The following FGD6 variants were observed in gnomAD, a reference collection of about 807,000 sequenced individuals.
FGD6 encodes the protein FYVE, RhoGEF and PH domain-containing protein 6.
A neutral mutation model predicts 149.4 loss-of-function variants in FGD6; 90 were observed. The ratio of observed to expected loss-of-function variants is 0.60; its 90% confidence interval spans 0.51 to 0.72. The LOEUF (loss-of-function observed/expected upper bound fraction) is 0.72. Ranked by LOEUF, FGD6 falls within the 30% of genes least tolerant of loss-of-function variation. The probability of loss-of-function intolerance (pLI) is 0.00; values close to 1 mark genes in which losing one functional copy is unlikely to be tolerated. For synonymous variants in FGD6, 527 were observed against 584.0 expected (o/e 0.90, Z 1.41); for missense variants, 1,437 against 1,684.8 (o/e 0.85, Z 2.57).
chr12:95,122,820 G>A (rs781134056), intron 8 of FGD6, among the ~76,000 whole-genome samples: 1 of 151,366 alleles, frequency 6.6e-6, no homozygotes, highest in Non-Finnish European at 1.5e-5. Flanking sequence ...AGTGGCTCAT[G>A]CCTGTAATCC....
intron 14 of FGD6, among the ~76,000 whole-genome samples, chr12:95,098,057 A>G (rs757512576): frequency 1.1e-4 from 16 of 152,056 alleles, no homozygotes; most frequent in Non-Finnish European, 1.8e-4. Context: ...GCCCAAATAT[A>G]TGTCTCTGGC....
chr12:95,163,169 C>T lies in FGD6; in HGVS notation c.2586+9431G>A, dbSNP rs60664855. Among the ~76,000 whole-genome samples, 1,465 of 152,230 alleles carry T rather than the reference C, an allele frequency of 9.6e-3. 23 individuals are homozygous for T. The highest frequency in any genetic ancestry group is 0.033 in the African/African-American group (1,388 of 41,550). ...CTCACCTTCACCAGGCTTCTCCCTC[C>T]TCCTCCACACTGTGTACTCTCTAAC... On this transcript the variant is annotated intron_variant, in intron 3 of 20. Coordinates refer to ENST00000343958, the MANE Select transcript of FGD6 (RefSeq NM_018351.4).
In FGD6 at chr12:95,209,047, G is replaced by C; in HGVS notation, c.2237C>G (p.Pro746Arg). ...PYKSVTSLCA[P>R]EYENIRHYEE... ...ATAATGGCGTATATTTTCATACTCCGGTGCACAGAGGCTTGTAACAGACTT... is the reference window on the plus strand; with the variant it reads ...ATAATGGCGTATATTTTCATACTCCCGTGCACAGAGGCTTGTAACAGACTT... The change falls in exon 2 of 21, where the codon CCG (proline) becomes CGG (arginine). Residue 746 changes from proline (P) to arginine (R), a missense_variant. Coordinates refer to ENST00000343958, the MANE Select transcript of FGD6 (RefSeq NM_018351.4). 2 of 1,613,976 alleles carry C rather than the reference G, an allele frequency of 1.2e-6. No homozygotes were observed. Among genetic ancestry groups the C allele is most frequent in the Non-Finnish European group, 1.7e-6 (2 of 1,180,018 alleles).
At chr12:95,203,333 A>C (rs988857549) in intron 2 of FGD6, among the ~76,000 whole-genome samples, 6 of 152,310 alleles carry the variant, frequency 3.9e-5, no homozygotes, top group Admixed American at 3.3e-4. Context: ...GCAAAGTTTC[A>C]AGGGACAACA....
intron 8 of FGD6, among the ~76,000 whole-genome samples, chr12:95,133,658 C>T (rs1313438489): frequency 6.6e-6 from 1 of 152,128 alleles, no homozygotes; most frequent in African/African-American, 2.4e-5. Context: ...CACATTTTGA[C>T]GTTCTTGTCC....
chr12:95,159,152 T>C (rs1880565723), intron 3 of FGD6, among the ~76,000 whole-genome samples: 1 of 152,320 alleles, frequency 6.6e-6, no homozygotes, highest in African/African-American at 2.4e-5. Flanking sequence ...TACCCTTTGT[T>C]TCCTCTCCTC....
chr12:95,117,218 C>A (rs954844329), intron 8 of FGD6, among the ~76,000 whole-genome samples: 3 of 152,034 alleles, frequency 2.0e-5, no homozygotes, highest in African/African-American at 7.3e-5. Flanking sequence ...TCAAATGCCA[C>A]TGAGGTTATT....
intron 9 of FGD6, among the ~76,000 whole-genome samples, chr12:95,109,487 A>T (rs192375241): frequency 3.2e-4 from 49 of 152,262 alleles, no homozygotes; most frequent in Admixed American, 1.0e-3. Flanking sequence ...CACTGAGAAA[A>T]ACTGGTAGAG....
intron 2 of FGD6, among the ~76,000 whole-genome samples, chr12:95,206,412 T>G (rs887855112): frequency 1.4e-4 from 21 of 152,158 alleles, no homozygotes; most frequent in African/African-American, 4.8e-4. Context: ...GAACCGGTAG[T>G]GGTGGCTCAT....
At chr12:95,134,872 C>A in intron 7 of FGD6, 46 bp from the exon 8 acceptor site, 1 of 1,510,530 alleles carries the variant, frequency 6.6e-7, no homozygotes, top group Non-Finnish European at 9.0e-7. Context: ...TTCTAAGAAG[C>A]AAGGGACCCA....
chr12:95,130,725 A>T (rs536069664), intron 8 of FGD6, among the ~76,000 whole-genome samples: 11 of 149,302 alleles, frequency 7.4e-5, no homozygotes, highest in South Asian at 4.2e-4. Context: ...CATAAAATTT[A>T]AAAAAAAAAA....
intron 3 of FGD6, among the ~76,000 whole-genome samples, chr12:95,153,950 T>TGTGTGTGTGTGTGTGA (rs796248785): frequency 1.4e-5 from 2 of 141,210 alleles, no homozygotes; most frequent in Non-Finnish European, 3.1e-5. Context: ...TGTGTGTGAG[T>TGTGTGTGTGTGTGTGA]GAGAGAGAGA....
chr12:95,123,363 AG>A (rs1879247970), intron 8 of FGD6, among the ~76,000 whole-genome samples: 2 of 152,088 alleles, frequency 1.3e-5, no homozygotes, highest in Admixed American at 6.6e-5. Context: ...GATCTATCCT[AG>A]ACTTTGACAC....
At chr12:95,089,065 A>T (rs771525000) in intron 18 of FGD6, among the ~76,000 whole-genome samples, 1 of 152,216 alleles carries the variant, frequency 6.6e-6, no homozygotes, top group Non-Finnish European at 1.5e-5. Context: ...GATATCAACA[A>T]AGTCTGTGGA....
intron 6 of FGD6, among the ~76,000 whole-genome samples, chr12:95,141,094 A>G (rs7485088): frequency 0.88 from 133,662 of 152,166 alleles, 59,063 homozygotes; most frequent in African/African-American, 0.97. Context: ...GTGGTGGCAC[A>G]CGCCTATAAT....
intron 2 of FGD6, among the ~76,000 whole-genome samples, chr12:95,190,367 G>A (rs1450016669): frequency 2.6e-5 from 4 of 152,054 alleles, no homozygotes; most frequent in African/African-American, 4.8e-5. Flanking sequence ...ACAGGATTTC[G>A]TCATGTTGGC....
chr12:95,132,825 A>G (rs1879564002), intron 8 of FGD6, among the ~76,000 whole-genome samples: 1 of 152,230 alleles, frequency 6.6e-6, no homozygotes, highest in Non-Finnish European at 1.5e-5. Flanking sequence ...CTAAATTTTC[A>G]GATTCTTGTT....
chr12:95,142,678 T>C (rs1349666401), intron 5 of FGD6, among the ~76,000 whole-genome samples: 1 of 152,238 alleles, frequency 6.6e-6, no homozygotes, highest in Non-Finnish European at 1.5e-5. Context: ...TAAATGAGTA[T>C]AATACTAGTT....
intron 2 of FGD6, 72 bp downstream of exon 2, chr12:95,208,771 T>C: frequency 1.3e-6 from 2 of 1,514,236 alleles, no homozygotes; most frequent in Non-Finnish European, 1.8e-6. Context: ...TCCCCCTGCA[T>C]TCCTAACTCA....
Sources: allele counts gnomAD v4.1 joint callset (sites outside exome capture counted in the v4.1 genomes callset), GRCh38; gene constraint gnomAD v4.1.1; transcripts MANE v1.5; gene names NCBI Gene and HGNC (gene_info 2026-07-23, HGNC 2026-07-21).